The following PRDM2 variants were observed in gnomAD, a reference collection of about 807,000 sequenced individuals.
The protein encoded by PRDM2 is PR/SET domain 2.
PRDM2 carries 30 observed loss-of-function variants against 130.0 expected under a neutral mutation model. The observed-to-expected ratio is 0.23, with a 90% CI of 0.17 to 0.31. The LOEUF is 0.31. PRDM2 is among the 10% of genes least tolerant of loss of function. The pLI, the probability that PRDM2 is intolerant of heterozygous loss-of-function variation, is 1.00. For missense variants in PRDM2, 2,011 were observed against 2,108.4 expected, an observed-to-expected ratio of 0.95 and a Z score of 0.90; for synonymous variants, 871 against 782.4, an observed-to-expected ratio of 1.11 and a Z score of -1.89.
At chr1:13,721,201 C>T (rs2100435194) in intron 2 of PRDM2, among the ~76,000 whole-genome samples, 1 of 152,226 alleles carries the variant, frequency 6.6e-6, no homozygotes, top group Non-Finnish European at 1.5e-5. Flanking sequence ...TAGTTCATTT[C>T]TTTACGGGAG....
At chr1:13,814,711 C>G (rs7518077) in intron 8 of PRDM2, among the ~76,000 whole-genome samples, 5,190 of 152,316 alleles carry the variant, frequency 0.034, 302 homozygotes, top group African/African-American at 0.12. Flanking sequence ...GAGAACCACT[C>G]ATGTGAGCTC....
chr1:13,750,766 A>C (rs184876798), intron 6 of PRDM2, among the ~76,000 whole-genome samples: 3 of 152,052 alleles, frequency 2.0e-5, no homozygotes, highest in Non-Finnish European at 4.4e-5. Flanking sequence ...CAGAGTCTAG[A>C]AAATTCCCAG....
chr1:13,794,255 C>T (rs761741371), intron 8 of PRDM2, among the ~76,000 whole-genome samples: 3 of 152,176 alleles, frequency 2.0e-5, no homozygotes, highest in African/African-American at 4.8e-5. Context: ...TCCTGACCAT[C>T]GATCTGTCAC....
At position 13,807,865 on chromosome 1, in the gene PRDM2, C is replaced by T. The variant is rs151030966; in HGVS notation, c.5037-8562C>T. On this transcript the variant is annotated intron_variant, in intron 8 of 9. Transcript: ENST00000311066. Reference sequence around the variant, plus strand: ...CCCCAGGAGACGATGCTCTGAGGCACCATTTCTGAGCCTTCCTATGAGCCG... The same window carrying T: ...CCCCAGGAGACGATGCTCTGAGGCATCATTTCTGAGCCTTCCTATGAGCCG... 1.7e-3 allele frequency among the ~76,000 whole-genome samples: 261 copies of T among 152,308 alleles called. 1 individual carries two copies. Among genetic ancestry groups the T allele is most frequent in the African/African-American group, 6.1e-3 (255 of 41,568 alleles).
At position 13,771,435 on chromosome 1, in the gene PRDM2, A is replaced by G. The variant is rs1644357477; in HGVS notation, c.512-1643A>G. Among the ~76,000 whole-genome samples the G allele has an allele frequency of 6.6e-6, 1 of 152,238 alleles. No individual in the cohort carries two copies. The highest frequency in any genetic ancestry group is 2.4e-5 in the African/African-American group (1 of 41,468). ...AAACATCGGATTTCCTATGGGCTGAAGAATTAGGTATGTAGGCCGGGCACG... is the reference window on the plus strand; with the variant it reads ...AAACATCGGATTTCCTATGGGCTGAGGAATTAGGTATGTAGGCCGGGCACG... On this transcript the variant is annotated intron_variant, in intron 6 of 9. Coordinates refer to ENST00000311066, the MANE Select transcript of PRDM2 (RefSeq NM_001393986.1). This position sits in a 1 kb window ranked among gnomAD's most constrained non-coding sequence, Gnocchi z 4.1.
chr1:13,752,841 A>G (rs1205997401), intron 6 of PRDM2, among the ~76,000 whole-genome samples: 2 of 152,204 alleles, frequency 1.3e-5, no homozygotes, highest in African/African-American at 4.8e-5. Flanking sequence ...AAGTTTCCCT[A>G]GCCTTAAAAA....
chr1:13,780,461 A>C lies in PRDM2; in HGVS notation c.2666A>C (p.Gln889Pro). The change falls in exon 8 of 10, where the codon CAG becomes CCG. Residue 889 changes from glutamine to proline, a missense_variant. Gln to Pro is a moderately conservative substitution (Grantham distance 76). This residue lies in a region of PRDM2 where 1,288 missense variants were observed against 1,237.7 expected (regional missense o/e 1.04). Coordinates refer to ENST00000311066, the MANE Select transcript of PRDM2 (RefSeq NM_001393986.1). ...AGGAAACCAACCACCTGCATGCTGC[A>C]GAAGGTTCTTCTCAATGAATATAAT... The part of the protein sequence containing the change: ...KKRKPTTCML[Q>P]KVLLNEYNGI... 1 of 1,614,240 alleles carries C rather than the reference A, an allele frequency of 6.2e-7. No homozygotes were observed. The highest frequency in any genetic ancestry group is 8.5e-7 in the Non-Finnish European group (1 of 1,180,044).
intron 7 of PRDM2, among the ~76,000 whole-genome samples, chr1:13,774,030 C>T (rs1309264740): frequency 6.6e-6 from 1 of 152,160 alleles, no homozygotes; most frequent in Non-Finnish European, 1.5e-5. Context: ...AAGTGTGTTT[C>T]TGTTTTTTGT....
chr1:13,749,552 G>C (rs1411695765), intron 6 of PRDM2, 65 bp downstream of exon 6: 1 of 1,065,086 alleles, frequency 9.4e-7, no homozygotes, highest in East Asian at 8.6e-5. Context: ...CCGCCCTGCC[G>C]CCCTCGCTGC....
intron 3 of PRDM2, among the ~76,000 whole-genome samples, chr1:13,732,553 C>T (rs1010062863): frequency 5.3e-5 from 8 of 151,850 alleles, no homozygotes; most frequent in East Asian, 1.9e-4. Flanking sequence ...TTTTTCTAAT[C>T]GTAAAACAAT....
chr1:13,712,131 G>A (rs1023971711), intron 1 of PRDM2, among the ~76,000 whole-genome samples: 6 of 152,092 alleles, frequency 3.9e-5, no homozygotes, highest in African/African-American at 1.4e-4. Context: ...GGCTGAGGTG[G>A]GAGGATCACT....
At chr1:13,805,963 T>C (rs1226417481) in intron 8 of PRDM2, among the ~76,000 whole-genome samples, 1 of 152,028 alleles carries the variant, frequency 6.6e-6, no homozygotes, top group African/African-American at 2.4e-5. Context: ...CCTCCACCCT[T>C]CTTGAAGCGT....
intron 8 of PRDM2, among the ~76,000 whole-genome samples, chr1:13,813,348 C>T (rs1183443159): frequency 6.6e-6 from 1 of 152,094 alleles, no homozygotes; most frequent in Admixed American, 6.5e-5. Context: ...TTTAACATCT[C>T]GGGGTTGGGG....
In PRDM2 at chr1:13,779,997, G is replaced by C; in HGVS notation, c.2202G>C (p.Lys734Asn). 1 of 1,614,208 alleles carries C rather than the reference G, an allele frequency of 6.2e-7. No homozygotes were observed. The highest frequency in any genetic ancestry group is 8.5e-7 in the Non-Finnish European group (1 of 1,180,046). Reference protein sequence around the residue: ...SMLPVTSSRFKRRTSSPPSSP... With the variant: ...SMLPVTSSRFNRRTSSPPSSP... ...TGCCTGTGACCTCAAGTAGGTTTAA[G>C]AGGCGGACCAGCTCTCCTCCCAGTT... The change falls in exon 8 of 10, where the codon AAG (lysine) becomes AAC (asparagine). Residue 734 changes from lysine (K) to asparagine (N), a missense_variant. This residue lies in a region of PRDM2 where 1,288 missense variants were observed against 1,237.7 expected (regional missense o/e 1.04). Coordinates refer to ENST00000311066, the MANE Select transcript of PRDM2 (RefSeq NM_001393986.1). The surrounding 1 kb of genome is among the most constrained non-coding windows in gnomAD (Gnocchi z 4.9).
intron 5 of PRDM2, among the ~76,000 whole-genome samples, chr1:13,747,860 G>T (rs1398081294): frequency 6.6e-6 from 1 of 151,492 alleles, no homozygotes; most frequent in African/African-American, 2.4e-5. Context: ...GAAGCTAACA[G>T]CAACACATTA....
chr1:13,744,698 G>A (rs1007014906), intron 5 of PRDM2, among the ~76,000 whole-genome samples: 15 of 152,264 alleles, frequency 9.9e-5, no homozygotes, highest in African/African-American at 3.6e-4. Context: ...AAGTCCTCAA[G>A]TGTTAACTAG....
intron 6 of PRDM2, among the ~76,000 whole-genome samples, chr1:13,763,875 A>G (rs1372743242): frequency 1.3e-5 from 2 of 152,144 alleles, no homozygotes. Context: ...TTTTCCTTAA[A>G]TTTATCTCTG....
At chr1:13,798,776 G>T (rs757926967) in intron 8 of PRDM2, among the ~76,000 whole-genome samples, 1 of 152,130 alleles carries the variant, frequency 6.6e-6, no homozygotes, top group African/African-American at 2.4e-5. Flanking sequence ...GGAATGGGGG[G>T]ATCGATCCTT....
chr1:13,762,214 G>A (rs1259880744), intron 6 of PRDM2, among the ~76,000 whole-genome samples: 1 of 152,230 alleles, frequency 6.6e-6, no homozygotes, highest in Non-Finnish European at 1.5e-5. Context: ...ATATATCAGA[G>A]CTGGTTCCCA....
Sources: allele counts gnomAD v4.1 joint callset (sites outside exome capture counted in the v4.1 genomes callset), GRCh38; gene constraint gnomAD v4.1.1; regional missense constraint gnomAD v4.1.1; non-coding constraint Gnocchi (gnomAD v3.1); transcripts MANE v1.5; gene names NCBI Gene and HGNC (gene_info 2026-07-23, HGNC 2026-07-21).